Variants in DTNA observed in about 807,000 individuals in gnomAD.
DTNA encodes the protein dystrophin-related protein 3.
In DTNA, 43 loss-of-function variants were observed where a neutral mutation model predicts 100.7. The observed-to-expected ratio is 0.43, with a 90% CI of 0.33 to 0.55. The LOEUF (loss-of-function observed/expected upper bound fraction) is 0.55, where lower values mean the gene tolerates loss of function less well. Ranked by LOEUF, DTNA falls within the 20% of genes least tolerant of loss-of-function variation. DTNA has a pLI of 0.04. For missense variants in DTNA, 798 were observed against 953.9 expected, an observed-to-expected ratio of 0.84 and a Z score of 2.15; for synonymous variants, 349 against 347.9, an observed-to-expected ratio of 1.00 and a Z score of -0.04.
intron 1 of DTNA, among the ~76,000 whole-genome samples, chr18:34,533,748 T>C (rs1195797554): frequency 2.0e-5 from 3 of 152,070 alleles, no homozygotes; most frequent in Non-Finnish European, 4.4e-5. Flanking sequence ...AAACAAAATA[T>C]ATGTTCTGTA....
chr18:34,611,721 G>A (rs1475431339), intron 1 of DTNA, among the ~76,000 whole-genome samples: 1 of 152,178 alleles, frequency 6.6e-6, no homozygotes, highest in African/African-American at 2.4e-5. Flanking sequence ...TTGGGGACCT[G>A]GTTCTCCCCT....
intron 1 of DTNA, among the ~76,000 whole-genome samples, chr18:34,578,799 G>GTTC (rs986881674): frequency 5.9e-5 from 9 of 152,104 alleles, no homozygotes; most frequent in South Asian, 2.1e-4. Flanking sequence ...TTATTTCTGG[G>GTTC]TTCTCTATTC....
intron 1 of DTNA, among the ~76,000 whole-genome samples, chr18:34,498,704 T>C (rs957154917): frequency 6.6e-6 from 1 of 152,048 alleles, no homozygotes; most frequent in Non-Finnish European, 1.5e-5. Context: ...TCTGAACAGA[T>C]TTGATAGTAT....
intron 3 of DTNA, among the ~76,000 whole-genome samples, chr18:34,774,048 T>G (rs766593017): frequency 6.6e-6 from 1 of 152,252 alleles, no homozygotes; most frequent in Non-Finnish European, 1.5e-5. Flanking sequence ...CCCTTTCTTC[T>G]GCTTCTGCAT....
intron 17 of DTNA, among the ~76,000 whole-genome samples, chr18:34,873,626 C>A (rs2096786993): frequency 6.6e-6 from 1 of 152,222 alleles, no homozygotes; most frequent in Non-Finnish European, 1.5e-5. Context: ...CTGGGCTCCA[C>A]AACTTCACAT....
At chr18:34,499,689 T>C (rs2039681196) in intron 1 of DTNA, among the ~76,000 whole-genome samples, 1 of 152,226 alleles carries the variant, frequency 6.6e-6, no homozygotes, top group Non-Finnish European at 1.5e-5. Context: ...TGTAGCAATA[T>C]TTCATTGTGA....
chr18:34,579,913 T>A (rs1018540628), intron 1 of DTNA, among the ~76,000 whole-genome samples: 4 of 152,146 alleles, frequency 2.6e-5, no homozygotes, highest in African/African-American at 9.7e-5. Flanking sequence ...CTCCTTGATT[T>A]TCTCCCCGCT....
At chr18:34,760,684 C>T (rs1040562991) in intron 2 of DTNA, among the ~76,000 whole-genome samples, 9 of 152,322 alleles carry the variant, frequency 5.9e-5, no homozygotes, top group Admixed American at 2.6e-4. Context: ...AACTGCCAAG[C>T]AGCTGGGCAC....
intron 1 of DTNA, among the ~76,000 whole-genome samples, chr18:34,697,822 G>A (rs570742833): frequency 6.6e-6 from 1 of 152,220 alleles, no homozygotes; most frequent in East Asian, 1.9e-4. Context: ...CTGAACTACT[G>A]GAAGAGCAAA....
intron 16 of DTNA, among the ~76,000 whole-genome samples, chr18:34,861,260 C>T (rs1251871844): frequency 2.0e-5 from 3 of 151,806 alleles, no homozygotes; most frequent in Non-Finnish European, 2.9e-5. Flanking sequence ...GCGAGGCGGG[C>T]GGATCACGAG....
At chr18:34,624,838 T>A (rs765902519) in intron 1 of DTNA, among the ~76,000 whole-genome samples, 15 of 152,100 alleles carry the variant, frequency 9.9e-5, no homozygotes, top group Non-Finnish European at 1.6e-4. Flanking sequence ...AATAGGGTAA[T>A]TAATTCCAGT....
chr18:34,551,008 T>C (rs757160088), intron 1 of DTNA, among the ~76,000 whole-genome samples: 3 of 152,164 alleles, frequency 2.0e-5, no homozygotes, highest in Non-Finnish European at 4.4e-5. Context: ...TCATATTAAC[T>C]CCAATTTCTT....
chr18:34,498,644 GAA>G (rs1466143818), intron 1 of DTNA, among the ~76,000 whole-genome samples: 1 of 151,942 alleles, frequency 6.6e-6, no homozygotes, highest in East Asian at 1.9e-4. Flanking sequence ...GACAGCAAGT[GAA>G]AGTCTAGAAC....
chr18:34,516,353 A>T (rs1276489808), intron 1 of DTNA, among the ~76,000 whole-genome samples: 1 of 152,144 alleles, frequency 6.6e-6, no homozygotes, highest in African/African-American at 2.4e-5. Flanking sequence ...CCAGAGCAAG[A>T]TCACAGGACC....
chr18:34,606,430 T>A (rs2053125225), intron 1 of DTNA, among the ~76,000 whole-genome samples: 1 of 152,186 alleles, frequency 6.6e-6, no homozygotes, highest in Non-Finnish European at 1.5e-5. Flanking sequence ...CTATTTTTTA[T>A]AATCATTTCA....
chr18:34,728,033 A>G (rs1055617018), intron 1 of DTNA, among the ~76,000 whole-genome samples: 7 of 152,170 alleles, frequency 4.6e-5, no homozygotes, highest in Non-Finnish European at 7.3e-5. Context: ...TAATTTTCCT[A>G]TCTTTACTTT....
At chr18:34,580,453 C>A (rs985964325) in intron 1 of DTNA, among the ~76,000 whole-genome samples, 16 of 152,196 alleles carry the variant, frequency 1.1e-4, no homozygotes, top group African/African-American at 3.9e-4. Flanking sequence ...ATCCTTTTCT[C>A]TATTTGGCTG....
intron 9 of DTNA, 42 bp from the exon 10 acceptor site, chr18:34,827,551 T>C (rs1049751133): frequency 3.1e-6 from 5 of 1,595,214 alleles, no homozygotes; most frequent in East Asian, 2.2e-5. Flanking sequence ...TTTGTGACTT[T>C]TATTTGTTTT....
chr18:34,506,605 G>C (rs1017226319), intron 1 of DTNA, among the ~76,000 whole-genome samples: 1 of 152,124 alleles, frequency 6.6e-6, no homozygotes, highest in Admixed American at 6.6e-5. Context: ...CTCCTTTCCT[G>C]TTCCTTAGGC....
Sources: allele counts gnomAD v4.1 joint callset (sites outside exome capture counted in the v4.1 genomes callset), GRCh38; gene constraint gnomAD v4.1.1; transcripts MANE v1.5; gene names NCBI Gene and HGNC (gene_info 2026-07-23, HGNC 2026-07-21).